Variants in PCDHA7 observed in about 807,000 individuals in gnomAD.
The protein encoded by PCDHA7 is protocadherin alpha-7.
In PCDHA7, 37 loss-of-function variants were observed where a neutral mutation model predicts 57.2. The observed-to-expected ratio is 0.65, with a 90% CI of 0.50 to 0.85. The LOEUF is 0.85. Ranked by LOEUF, PCDHA7 falls within the 40% of genes least tolerant of loss-of-function variation. PCDHA7 has a pLI of 0.00. For synonymous variants in PCDHA7, 553 were observed against 558.8 expected, an observed-to-expected ratio of 0.99 and a Z score of 0.15; for missense variants, 1,188 against 1,241.8, an observed-to-expected ratio of 0.96 and a Z score of 0.65.
chr5:141,005,335 G>A, intron 3 of PCDHA7, among the ~76,000 whole-genome samples: 1 of 152,148 alleles, frequency 6.6e-6, no homozygotes, highest in Middle Eastern at 3.2e-3. Context: ...ATAGGCCAAG[G>A]GGGTGCTGCT....
intron 1 of PCDHA7, among the ~76,000 whole-genome samples, chr5:140,930,847 A>G (rs1411771257): frequency 6.6e-6 from 1 of 152,224 alleles, no homozygotes; most frequent in Non-Finnish European, 1.5e-5. Context: ...AAATATGTGC[A>G]TATATGAATT....
chr5:140,875,054 C>A (rs2055251816), intron 1 of PCDHA7, among the ~76,000 whole-genome samples: 1 of 152,146 alleles, frequency 6.6e-6, no homozygotes, highest in Non-Finnish European at 1.5e-5. Flanking sequence ...TACTTTGAAG[C>A]AGAAAACATT....
chr5:140,929,554 C>G (rs899446101), intron 1 of PCDHA7: 17 of 488,414 alleles, frequency 3.5e-5, no homozygotes, highest in Non-Finnish European at 5.5e-5. Flanking sequence ...AAAATTAAAA[C>G]CTATTTAAGA....
intron 1 of PCDHA7, among the ~76,000 whole-genome samples, chr5:140,913,386 T>C (rs1317540233): frequency 6.6e-6 from 1 of 152,228 alleles, no homozygotes; most frequent in Non-Finnish European, 1.5e-5. Context: ...TGGCTCATCA[T>C]AGCCACTAAT....
intron 1 of PCDHA7, among the ~76,000 whole-genome samples, chr5:140,945,123 A>G (rs1421068345): frequency 2.0e-5 from 3 of 152,190 alleles, no homozygotes; most frequent in African/African-American, 4.8e-5. Context: ...TAAAAAATCA[A>G]CTTACAAAAA....
intron 1 of PCDHA7, chr5:140,863,232 G>A (rs1283717964): frequency 8.1e-7 from 1 of 1,230,740 alleles, no homozygotes; most frequent in Non-Finnish European, 1.1e-6. Context: ...AGGTCCCATC[G>A]CGGGCTTTGG....
At chr5:140,869,145 A>G (rs1013407350) in intron 1 of PCDHA7, 58 of 1,613,508 alleles carry the variant, frequency 3.6e-5, no homozygotes, top group Non-Finnish European at 4.7e-5. Context: ...CCCCACGACT[A>G]CAGCTCTGGC....
At chr5:140,875,450 C>T (rs199938092) in intron 1 of PCDHA7, 2 of 1,590,620 alleles carry the variant, frequency 1.3e-6, no homozygotes, top group African/African-American at 1.3e-5. Flanking sequence ...ATTGTCCCAA[C>T]TCAGAGGCCC....
At position 140,836,292 on chromosome 5, in the gene PCDHA7, C is replaced by A. The variant is rs1774344523; in HGVS notation, c.1909C>A (p.Leu637Ile). The part of the protein sequence containing the change: ...YTGEISTTRA[L>I]DETDAPRHRL... ...TGGTGAGATCAGCACGACACGAGCC[C>A]TAGATGAGACGGACGCACCGCGCCA... The change falls in exon 1 of 4, where the codon CTA (leucine) becomes ATA (isoleucine). Residue 637 changes from leucine to isoleucine, a missense_variant. Around this residue, in one of 3 missense-constraint regions of PCDHA7, gnomAD observed 892 missense variants for 788.5 expected, o/e 1.13. Transcript: ENST00000525929. 1 of 1,613,662 alleles carries A rather than the reference C, an allele frequency of 6.2e-7. No homozygotes were observed. Among genetic ancestry groups the A allele is most frequent in the South Asian group, 1.1e-5 (1 of 91,076 alleles).
chr5:140,943,558 A>T (rs1328715238), intron 1 of PCDHA7, among the ~76,000 whole-genome samples: 1 of 152,194 alleles, frequency 6.6e-6, no homozygotes, highest in Non-Finnish European at 1.5e-5. Flanking sequence ...GTAGACAATA[A>T]TCATTTTAAT....
intron 1 of PCDHA7, chr5:140,876,487 G>A (rs782413739): frequency 4.3e-6 from 7 of 1,613,904 alleles, no homozygotes; most frequent in Non-Finnish European, 5.9e-6. Flanking sequence ...GGTCCTGGTG[G>A]AAGTTCTGGA....
intron 3 of PCDHA7, among the ~76,000 whole-genome samples, chr5:141,002,176 G>C (rs1554258553): frequency 6.6e-6 from 1 of 152,242 alleles, no homozygotes; most frequent in Non-Finnish European, 1.5e-5. Context: ...GCAGGCTCCA[G>C]AGTGCTGTCT....
chr5:140,888,513 A>C (rs1208227299), intron 1 of PCDHA7, among the ~76,000 whole-genome samples: 5 of 152,216 alleles, frequency 3.3e-5, no homozygotes, highest in African/African-American at 4.8e-5. Context: ...TCTTGGACTT[A>C]GTTCTGACGT....
rs201271180 is a variant in PCDHA7, at chr5:140,836,512, T to A, written c.2129T>A (p.Leu710Gln). 12 of 1,613,844 alleles carry A rather than the reference T, an allele frequency of 7.4e-6. No individual in the cohort carries two copies. The highest frequency in any genetic ancestry group is 1.0e-5 in the Non-Finnish European group (12 of 1,179,842). The change falls in exon 1 of 4, where the codon CTG becomes CAG. Residue 710 changes from leucine to glutamine, a missense_variant. Physicochemically the swap from Leu to Gln is moderately radical, Grantham distance 113 (BLOSUM62 -2). Coordinates refer to ENST00000525929, the MANE Select transcript of PCDHA7 (RefSeq NM_018910.3). ...ATCGCCATCTGCGCGGTGTCCAGTC[T>A]GTTGGTGCTTACCCTGCTGCTGTAC... is the stretch of plus-strand genomic sequence containing the variant. ...LIIAICAVSS[L>Q]LVLTLLLYTA...
chr5:140,862,825 C>G (rs782012901), intron 1 of PCDHA7: 2 of 572,056 alleles, frequency 3.5e-6, no homozygotes, highest in South Asian at 2.7e-5. Flanking sequence ...GGTGAGAGCG[C>G]GCGACGCGGG....
At chr5:140,912,178 G>A (rs2153520957) in intron 1 of PCDHA7, among the ~76,000 whole-genome samples, 1 of 152,266 alleles carries the variant, frequency 6.6e-6, no homozygotes, top group South Asian at 2.1e-4. Flanking sequence ...GCTGGCAGCT[G>A]ATTAGATTGT....
At chr5:140,979,129 A>T (rs1316213932) in intron 2 of PCDHA7, 122 bp downstream of exon 2, 1 of 1,477,514 alleles carries the variant, frequency 6.8e-7, no homozygotes, top group Non-Finnish European at 9.0e-7. Flanking sequence ...CTTTGCCAGG[A>T]AAATGCAATT....
At chr5:140,946,976 G>A (rs2094064804) in intron 1 of PCDHA7, among the ~76,000 whole-genome samples, 1 of 151,532 alleles carries the variant, frequency 6.6e-6, no homozygotes, top group Admixed American at 6.6e-5. Context: ...ATAGAATAGA[G>A]GATTTTGAGT....
At chr5:140,855,043 A>G (rs1177113480) in intron 1 of PCDHA7, among the ~76,000 whole-genome samples, 1 of 150,018 alleles carries the variant, frequency 6.7e-6, no homozygotes, top group African/African-American at 2.4e-5. Flanking sequence ...TTTTTCTGTA[A>G]TAGTACTTTT....
Sources: gnomAD v4.1 joint callset for allele counts (sites outside exome capture counted in the v4.1 genomes callset) on GRCh38, gnomAD v4.1.1 for gene constraint, gnomAD v4.1.1 regional missense constraint, MANE v1.5 for transcripts, NCBI Gene and HGNC (gene_info 2026-07-23, HGNC 2026-07-21) for gene names.